The following SLC5A12 variants were observed in gnomAD, a reference collection of about 807,000 sequenced individuals.
The protein encoded by SLC5A12 is sodium-coupled monocarboxylate transporter 2.
A neutral mutation model predicts 72.7 loss-of-function variants in SLC5A12; 46 were observed. The ratio of observed to expected loss-of-function variants is 0.63; its 90% CI spans 0.50 to 0.81. The LOEUF is 0.81. Ranked by LOEUF, SLC5A12 falls within the 30% of genes least tolerant of loss-of-function variation. The pLI, the probability that SLC5A12 is intolerant of heterozygous loss-of-function variation, is 0.00. For synonymous variants in SLC5A12, 275 were observed against 264.4 expected, an observed-to-expected ratio of 1.04 and a Z score of -0.39; for missense variants, 683 against 740.7, an observed-to-expected ratio of 0.92 and a Z score of 0.90.
Position 26,709,368 on chromosome 11 carries a change from C to A in SLC5A12, c.469G>T (p.Asp157Tyr), listed in dbSNP as rs768003551. 1.2e-6 allele frequency: 2 copies of A among 1,609,994 alleles called. No homozygotes were observed. Among genetic ancestry groups the A allele is most frequent in the Admixed American group, 3.4e-5 (2 of 59,686 alleles). ...ALALNQVTGF[D>Y]LWGSVFATGI... ...GTTGCAAACACAGAGCCCCAGAGAT[C>A]AAACCCAGTCACTAGGAAAGAAGAA... Residue 157 changes from aspartate (D) to tyrosine (Y), a missense_variant, in exon 4 of 15, where the codon GAT becomes TAT. By Grantham distance (160) the Asp-to-Tyr change is radical (BLOSUM62 -3). Coordinates refer to ENST00000396005, the MANE Select transcript of SLC5A12 (RefSeq NM_178498.4).
At chr11:26,711,547 A>G (rs1263567984) in intron 2 of SLC5A12, among the ~76,000 whole-genome samples, 189 bp from the exon 3 acceptor site, 1 of 152,142 alleles carries the variant, frequency 6.6e-6, no homozygotes, top group East Asian at 1.9e-4. Flanking sequence ...TGTAATCATT[A>G]GATGGAGGAA....
Position 26,721,882 on chromosome 11 carries a change from T to C in SLC5A12, c.-168A>G. On this transcript the variant is annotated 5_prime_UTR_variant, in exon 1 of 15. Coordinates refer to ENST00000396005, the MANE Select transcript of SLC5A12 (RefSeq NM_178498.4). ...GTGTGAATCTTCAGACACCAACGTG[T>C]ACTTAGTGAAGATCTCAAAAGTTGA... The C allele has an allele frequency of 1.6e-6, 1 of 636,412 alleles. No homozygotes were observed. Among genetic ancestry groups the C allele is most frequent in the Non-Finnish European group, 2.7e-6 (1 of 364,100 alleles). The allele number at this position is 636,412 out of a possible 1,614,324, so 39.4% of individuals were successfully genotyped here.
chr11:26,668,911 C>T lies in SLC5A12; in HGVS notation c.*2191G>A, dbSNP rs1854062063. The T allele has an allele frequency of 6.6e-6, 1 of 151,954 alleles. No homozygotes were observed. 9.4% of individuals were successfully genotyped at this position (151,954 alleles called of 1,614,324 possible). On this transcript the variant is annotated 3_prime_UTR_variant, in exon 15 of 15. Transcript: ENST00000396005. ...TTTTTAAAACTTTCTCGGAAATGTA[C>T]TGACCTAGTGAAATGTCTTTAGGAG...
At chr11:26,683,097 C>G (rs976021403) in intron 11 of SLC5A12, among the ~76,000 whole-genome samples, 16 of 152,080 alleles carry the variant, frequency 1.1e-4, no homozygotes, top group Non-Finnish European at 2.9e-5. Context: ...TAAGTGTGCA[C>G]ATGGCAATAA....
intron 10 of SLC5A12, 47 bp from the exon 11 acceptor site, chr11:26,683,890 T>A: frequency 6.9e-7 from 1 of 1,456,730 alleles, no homozygotes; most frequent in Non-Finnish European, 9.4e-7. Context: ...CAAGGGCATC[T>A]GTGACTTCCT....
At chr11:26,723,385 A>G (rs1377895876), upstream of SLC5A12, 1 of 152,634 alleles carries the variant, frequency 6.6e-6, no homozygotes, top group East Asian at 1.9e-4. Context: ...GAGATTTGAT[A>G]TGATAAATGT....
intron 9 of SLC5A12, among the ~76,000 whole-genome samples, chr11:26,688,228 G>A (rs1015466519): frequency 2.0e-5 from 3 of 152,196 alleles, no homozygotes; most frequent in Non-Finnish European, 4.4e-5. Context: ...AAACAAAGCA[G>A]TAGAGGGAGT....
At chr11:26,706,149 C>T (rs1855084860) in intron 4 of SLC5A12, among the ~76,000 whole-genome samples, 1 of 151,974 alleles carries the variant, frequency 6.6e-6, no homozygotes. Flanking sequence ...CATCCACAGG[C>T]TTAGCAGAGT....
chr11:26,671,053 G>C lies in SLC5A12; in HGVS notation c.*49C>G. ...GGCAAGAAGTATGTGGAGTTTGTGT[G>C]TGTGTGTGTGTATTGCACGTGTGTG... On this transcript the variant is annotated 3_prime_UTR_variant, in exon 15 of 15. Coordinates refer to ENST00000396005, the MANE Select transcript of SLC5A12 (RefSeq NM_178498.4). 6.6e-7 allele frequency: 1 copy of C among 1,523,034 alleles called. No homozygotes were observed. Among genetic ancestry groups the C allele is most frequent in the South Asian group, 1.2e-5 (1 of 81,608 alleles). 94.3% of individuals were successfully genotyped at this position (1,523,034 alleles called of 1,614,324 possible).
intron 9 of SLC5A12, among the ~76,000 whole-genome samples, chr11:26,688,469 CAT>C (rs1424469159): frequency 2.0e-5 from 3 of 152,176 alleles, no homozygotes; most frequent in Admixed American, 1.3e-4. Context: ...AGTTAGCAAA[CAT>C]GTGGTCAACA....
chr11:26,716,465 T>C (rs948743453), intron 1 of SLC5A12: 1 of 152,234 alleles, frequency 6.6e-6, no homozygotes, highest in African/African-American at 2.4e-5. Flanking sequence ...CTTTGGTGTA[T>C]ATATAAGCTA....
intron 2 of SLC5A12, among the ~76,000 whole-genome samples, chr11:26,712,239 G>A (rs1263170680): frequency 6.6e-6 from 1 of 152,004 alleles, no homozygotes; most frequent in Non-Finnish European, 1.5e-5. Flanking sequence ...GTCTTAAAAT[G>A]ACTTTCTGCA....
intron 12 of SLC5A12, among the ~76,000 whole-genome samples, chr11:26,680,068 C>T (rs1590709517): frequency 6.6e-6 from 1 of 151,510 alleles, no homozygotes; most frequent in South Asian, 2.1e-4. Flanking sequence ...TTCATGAATG[C>T]AATTTGCCAC....
In SLC5A12 at chr11:26,721,656, A is replaced by C; in HGVS notation, c.59T>G (p.Ile20Ser). 1.9e-6 allele frequency: 3 copies of C among 1,614,208 alleles called. No homozygotes were observed. Among genetic ancestry groups the C allele is most frequent in the Non-Finnish European group, 2.5e-6 (3 of 1,180,032 alleles). The change falls in exon 1 of 15, where the codon ATT becomes AGT. Residue 20 changes from isoleucine to serine, a missense_variant. Coordinates refer to ENST00000396005, the MANE Select transcript of SLC5A12 (RefSeq NM_178498.4). ...AAAGAACACCCCAATTCCAGAGGAA[A>C]TGAAAAAGAGGGCTGCAAATACAAC... ...DYVVFAALFF[I>S]SSGIGVFFAI...
At chr11:26,715,092 C>T (rs1855319445) in intron 1 of SLC5A12, among the ~76,000 whole-genome samples, 1 of 152,114 alleles carries the variant, frequency 6.6e-6, no homozygotes, top group Admixed American at 6.6e-5. Context: ...CTATTTTCTG[C>T]CACTAAGCCA....
intron 6 of SLC5A12, among the ~76,000 whole-genome samples, chr11:26,699,539 T>C (rs1186949428): frequency 1.3e-5 from 2 of 152,226 alleles, no homozygotes; most frequent in African/African-American, 4.8e-5. Context: ...CAAAGTCTAC[T>C]TCCTTGAAAG....
chr11:26,680,350 C>CATAT (rs769129594), intron 12 of SLC5A12, among the ~76,000 whole-genome samples: 12 of 74,432 alleles, frequency 1.6e-4, no homozygotes, highest in African/African-American at 6.6e-4. Context: ...TATATATATT[C>CATAT]ATATATATAT....
At chr11:26,709,588 A>C (rs1025906726) in intron 3 of SLC5A12, among the ~76,000 whole-genome samples, 2 of 152,036 alleles carry the variant, frequency 1.3e-5, no homozygotes, top group Non-Finnish European at 2.9e-5. Flanking sequence ...CATACATTTC[A>C]TGTAATGTTA....
intron 3 of SLC5A12, among the ~76,000 whole-genome samples, chr11:26,710,563 A>G (rs1306810449): frequency 6.6e-6 from 1 of 151,988 alleles, no homozygotes; most frequent in East Asian, 1.9e-4. Context: ...ATGGTATCTC[A>G]TTGTGGTTTT....
Sources: allele counts gnomAD v4.1 joint callset (sites outside exome capture counted in the v4.1 genomes callset), GRCh38; gene constraint gnomAD v4.1.1; transcripts MANE v1.5; gene names NCBI Gene and HGNC (gene_info 2026-07-23, HGNC 2026-07-21).